Variants in SLC44A5 observed in about 807,000 individuals in gnomAD.
SLC44A5 encodes the protein solute carrier family 44 member 5, also known as choline transporter-like protein 5.
SLC44A5 carries 57 observed loss-of-function variants against 101.8 expected under a neutral mutation model. The ratio of observed to expected loss-of-function variants is 0.56; its 90% confidence interval spans 0.45 to 0.70. SLC44A5 has a LOEUF of 0.70. Ranked by LOEUF, SLC44A5 falls within the 30% of genes least tolerant of loss-of-function variation. The probability of loss-of-function intolerance (pLI) is 0.00; values close to 1 mark genes in which losing one functional copy is unlikely to be tolerated. For synonymous variants in SLC44A5, 281 were observed against 290.9 expected (o/e 0.97, Z 0.35); for missense variants, 737 against 853.1 (o/e 0.86, Z 1.70).
At chr1:75,423,622 G>A (rs749343812) in intron 2 of SLC44A5, among the ~76,000 whole-genome samples, 35 of 152,124 alleles carry the variant, frequency 2.3e-4, no homozygotes, top group Non-Finnish European at 3.8e-4. Flanking sequence ...TGTTTGCTAC[G>A]TTAATATGTG....
chr1:75,293,817 C>CAACAAAGT (rs564886242), intron 5 of SLC44A5, among the ~76,000 whole-genome samples: 319 of 152,234 alleles, frequency 2.1e-3, no homozygotes, highest in South Asian at 0.017. Flanking sequence ...TGAATGCACT[C>CAACAAAGT]AACAAAGTAA....
intron 2 of SLC44A5, among the ~76,000 whole-genome samples, chr1:75,464,157 G>T (rs1666674305): frequency 6.7e-6 from 1 of 148,816 alleles, no homozygotes; most frequent in Non-Finnish European, 1.5e-5. Flanking sequence ...GGAAGGTGGA[G>T]GTTGCAGTGA....
At chr1:75,247,398 G>A (rs1044553735) in intron 7 of SLC44A5, among the ~76,000 whole-genome samples, 1 of 152,086 alleles carries the variant, frequency 6.6e-6, no homozygotes, top group Admixed American at 6.6e-5. Flanking sequence ...TGTTAAATTT[G>A]AGATGCCAAC....
chr1:75,260,656 G>C (rs544243997), intron 6 of SLC44A5, among the ~76,000 whole-genome samples: 90 of 152,180 alleles, frequency 5.9e-4, no homozygotes, highest in Admixed American at 8.5e-4. Context: ...CCTGAACTCA[G>C]CTCTGCAACA....
the SLC44A5 span, among the ~76,000 whole-genome samples, chr1:75,651,578 T>A: frequency 6.6e-6 from 1 of 151,386 alleles, no homozygotes. Flanking sequence ...GTGTCTGTAG[T>A]CCCAGCTACT....
the SLC44A5 span, chr1:75,677,661 T>C: frequency 2.5e-6 from 1 of 397,880 alleles, no homozygotes; most frequent in South Asian, 1.8e-5. Flanking sequence ...TGGAACAAAC[T>C]CTCCAATAAA....
intron 2 of SLC44A5, among the ~76,000 whole-genome samples, chr1:75,524,834 T>A (rs1670328716): frequency 6.6e-6 from 1 of 152,102 alleles, no homozygotes; most frequent in South Asian, 2.1e-4. Flanking sequence ...TTATCTGTAT[T>A]GAAAAAAGAA....
chr1:75,332,480 T>C (rs1657128097), intron 4 of SLC44A5, among the ~76,000 whole-genome samples: 1 of 152,338 alleles, frequency 6.6e-6, no homozygotes. Flanking sequence ...GTTGTCCTTT[T>C]TTTCTTTATA....
chr1:75,406,671 C>T (rs1662892034), intron 2 of SLC44A5, among the ~76,000 whole-genome samples: 1 of 152,084 alleles, frequency 6.6e-6, no homozygotes, highest in Admixed American at 6.6e-5. Context: ...GCCCTTCATG[C>T]TAAAAACTCT....
intron 2 of SLC44A5, among the ~76,000 whole-genome samples, chr1:75,415,666 G>A (rs1335247511): frequency 6.6e-6 from 1 of 152,202 alleles, no homozygotes; most frequent in Non-Finnish European, 1.5e-5. Context: ...GAACTTCCTA[G>A]AGATTTGTTG....
intron 2 of SLC44A5, among the ~76,000 whole-genome samples, chr1:75,435,010 T>C (rs986345361): frequency 2.6e-5 from 4 of 152,144 alleles, no homozygotes; most frequent in Non-Finnish European, 4.4e-5. Context: ...TGTAAGGACA[T>C]CTTAAATCCC....
intron 3 of SLC44A5, among the ~76,000 whole-genome samples, chr1:75,370,719 G>C (rs1269361896): frequency 1.3e-5 from 2 of 152,298 alleles, no homozygotes; most frequent in African/African-American, 2.4e-5. Flanking sequence ...TCACCAAAGA[G>C]GGTAACTTTG....
At chr1:75,468,897 T>C (rs1336169073) in intron 2 of SLC44A5, among the ~76,000 whole-genome samples, 1 of 152,168 alleles carries the variant, frequency 6.6e-6, no homozygotes, top group African/African-American at 2.4e-5. Flanking sequence ...GATGTGATTA[T>C]TATACATTGC....
rs371443438 is a variant in SLC44A5 at position 75,222,505 on chromosome 1, C to T, written c.986-45G>A. On this transcript the variant is annotated intron_variant, in intron 13 of 23. Coordinates refer to ENST00000370859, the MANE Select transcript of SLC44A5 (RefSeq NM_001130058.2). ...AATCAGTCTGTAATACAAGTAGATA[C>T]GGAAACAAACCTTCCCTGCAAATGC... 2.9e-4 allele frequency: 346 copies of T among 1,183,882 alleles called. 3 individuals are homozygous for T. The African/African-American group carries it at 4.2e-3, about 14-fold the overall frequency. 73.3% of individuals were successfully genotyped at this position (1,183,882 alleles called of 1,614,324 possible).
At chr1:75,213,615 C>T in intron 22 of SLC44A5, 90 bp downstream of exon 22, 1 of 969,352 alleles carries the variant, frequency 1.0e-6, no homozygotes, top group Non-Finnish European at 1.6e-6. Flanking sequence ...GCCTTCAGAA[C>T]TGTGAGGAAT....
the SLC44A5 span, among the ~76,000 whole-genome samples, chr1:75,667,502 C>T: frequency 6.6e-6 from 1 of 152,136 alleles, no homozygotes; most frequent in Admixed American, 6.6e-5. Context: ...GGCCATACTG[C>T]CCAAAGTAAT....
chr1:75,718,103 T>G, the SLC44A5 span, among the ~76,000 whole-genome samples: 1 of 152,194 alleles, frequency 6.6e-6, no homozygotes, highest in Non-Finnish European at 1.5e-5. Flanking sequence ...TAAATAAACT[T>G]TATATAAAGT....
At chr1:75,505,634 C>T (rs760784674) in intron 2 of SLC44A5, among the ~76,000 whole-genome samples, 31 of 151,912 alleles carry the variant, frequency 2.0e-4, no homozygotes, top group Admixed American at 1.1e-3. Flanking sequence ...ATACTTTTTT[C>T]GCTGTTTGAA....
intron 3 of SLC44A5, among the ~76,000 whole-genome samples, chr1:75,355,977 G>C (rs1249835): frequency 0.94 from 143,577 of 152,024 alleles, 68,373 homozygotes; most frequent in East Asian, 1. Context: ...TTTGGGAAGC[G>C]GAGGTGGGCA....
Sources: gnomAD v4.1 joint callset for allele counts (sites outside exome capture counted in the v4.1 genomes callset) on GRCh38, gnomAD v4.1.1 for gene constraint, MANE v1.5 for transcripts, NCBI Gene and HGNC (gene_info 2026-07-23, HGNC 2026-07-21) for gene names.